Variants in NAGPA observed in about 807,000 individuals in gnomAD.
The protein encoded by NAGPA is N-acetylglucosamine-1-phosphodiester alpha-N-acetylglucosaminidase, also known as alpha-N-acetylglucosaminyl phosphodiesterase.
In NAGPA, 56 loss-of-function variants were observed where a neutral mutation model predicts 48.5. That is an observed-to-expected ratio of 1.15 (90% CI 0.93 to 1.44). The LOEUF is 1.44. Ranked by LOEUF, NAGPA falls within the 40% of genes most tolerant of loss-of-function variation. The pLI, the probability that NAGPA is intolerant of heterozygous loss-of-function variation, is 0.00. For missense variants in NAGPA, 888 were observed against 735.0 expected (o/e 1.21, Z -2.41); for synonymous variants, 399 against 315.5 (o/e 1.26, Z -2.81).
intron 9 of NAGPA, 56 bp downstream of exon 9, chr16:5,027,079 C>A (rs199863158): frequency 5.0e-6 from 8 of 1,594,382 alleles, no homozygotes; most frequent in African/African-American, 1.3e-5. Flanking sequence ...GGGAAGGGTG[C>A]GGGAGAGAAG....
At chr16:5,031,613 TC>T in intron 3 of NAGPA, 131 bp downstream of exon 3, 1 of 1,209,760 alleles carries the variant, frequency 8.3e-7, no homozygotes, top group Non-Finnish European at 1.2e-6. Context: ...TCCCCATGAA[TC>T]CCCAGTACCC....
At chr16:5,026,068 A>G (rs574161413) in intron 9 of NAGPA, among the ~76,000 whole-genome samples, 1 of 151,604 alleles carries the variant, frequency 6.6e-6, no homozygotes, top group South Asian at 2.1e-4. Context: ...AGCTGGGACT[A>G]CAGGCTCGAA....
At chr16:5,028,292 C>G in intron 5 of NAGPA, 107 bp from the exon 6 acceptor site, 2 of 1,541,030 alleles carry the variant, frequency 1.3e-6, no homozygotes, top group Non-Finnish European at 1.8e-6. Context: ...TGTCTACCTA[C>G]CTACCTACAA....
intron 3 of NAGPA, chr16:5,031,329 A>C (rs1956093148): frequency 3.6e-6 from 1 of 279,748 alleles, no homozygotes; most frequent in Admixed American, 4.8e-5. Context: ...CAGAGTCACC[A>C]TGGAGGCCCG....
intron 3 of NAGPA, 172 bp downstream of exon 3, chr16:5,031,573 T>C (rs951119708): frequency 4.8e-6 from 4 of 834,774 alleles, no homozygotes; most frequent in South Asian, 2.9e-5. Context: ...CTATTTTTTG[T>C]CCTATATATT....
At chr16:5,032,955 C>A in intron 2 of NAGPA, 1 of 478,674 alleles carries the variant, frequency 2.1e-6, no homozygotes, top group Non-Finnish European at 3.8e-6. Context: ...TGCTTTGCTG[C>A]ACACACAGCA....
chr16:5,031,104 ATTT>A, intron 3 of NAGPA: 1 of 152,730 alleles, frequency 6.5e-6, no homozygotes, highest in Non-Finnish European at 1.4e-5. Context: ...TAATTTTTGT[ATTT>A]TTTTTTTTTG....
At chr16:5,031,553 T>G in intron 3 of NAGPA, 192 bp downstream of exon 3, 1 of 748,772 alleles carries the variant, frequency 1.3e-6, no homozygotes, top group Non-Finnish European at 2.3e-6. Context: ...CTTTTCAGCA[T>G]ATTCTATAAC....
rs1372064080 is a variant in NAGPA at position 5,025,224 on chromosome 16, C to T, written c.*254G>A. On this transcript the variant is annotated 3_prime_UTR_variant, in exon 10 of 10. Coordinates refer to ENST00000312251, the MANE Select transcript of NAGPA (RefSeq NM_016256.4). ...AGCCCTCCCGGGGGCACGGGCTTCT[C>T]GGCAGCAGACACAGGCAGGCCAGAA... The T allele has an allele frequency of 3.6e-6, 2 of 561,336 alleles. No individual in the cohort carries two copies. The highest frequency in any genetic ancestry group is 3.1e-5 in the Admixed American group (1 of 32,598). 34.8% of individuals were successfully genotyped at this position (561,336 alleles called of 1,614,324 possible). A position where few individuals can be genotyped will look rare whatever the true frequency, so the allele number is the denominator to read the frequency against.
chr16:5,025,418 A>G lies in NAGPA; in HGVS notation c.*60T>C. 1 of 1,594,274 alleles carries G rather than the reference A, an allele frequency of 6.3e-7. No homozygotes were observed. Among genetic ancestry groups the G allele is most frequent in the Non-Finnish European group, 8.6e-7 (1 of 1,167,546 alleles). ...CCAGTGGCCTTGAAATTTCCCCTGCAGAAGCCAGACCGTGGGGAAACAAGC... is the reference window on the plus strand; with the variant it reads ...CCAGTGGCCTTGAAATTTCCCCTGCGGAAGCCAGACCGTGGGGAAACAAGC... On this transcript the variant is annotated 3_prime_UTR_variant, in exon 10 of 10. Coordinates refer to ENST00000312251, the MANE Select transcript of NAGPA (RefSeq NM_016256.4).
At chr16:5,027,757 C>T in intron 7 of NAGPA, 89 bp downstream of exon 7, 1 of 1,525,526 alleles carries the variant, frequency 6.6e-7, no homozygotes, top group Middle Eastern at 1.9e-4. Flanking sequence ...TTTCCCAGAC[C>T]AGAAGGTGGA....
chr16:5,027,728 A>C, intron 7 of NAGPA, 118 bp downstream of exon 7: 1 of 1,425,166 alleles, frequency 7.0e-7, no homozygotes, highest in Non-Finnish European at 9.6e-7. Context: ...AGGCCGGGGC[A>C]GAAGACAAGA....
chr16:5,030,353 C>G (rs1446173811), intron 4 of NAGPA, 32 bp downstream of exon 4: 1 of 1,542,686 alleles, frequency 6.5e-7, no homozygotes, highest in East Asian at 2.4e-5. Context: ...GGACTGAGCC[C>G]CGGCCGGGGG....
chr16:5,033,366 C>T lies in NAGPA; in HGVS notation c.449G>A (p.Gly150Glu). ...CCGCCGCTCGTCGCTCACCACGTTC[C>T]CCAGGCACTCGCCCGAGTTCATGCG... ...FFRMNSGECL[G>E]NVVSDERRVS... The change falls in exon 2 of 10, where the codon GGG becomes GAG. Residue 150 changes from glycine to glutamate, a missense_variant. Transcript: ENST00000312251. The surrounding 1 kb of genome is among the most constrained non-coding windows in gnomAD (Gnocchi z 4.2). 11 of 1,597,962 alleles carry T rather than the reference C, an allele frequency of 6.9e-6. No homozygotes were observed. Among genetic ancestry groups the T allele is most frequent in the Non-Finnish European group, 9.3e-6 (11 of 1,179,642 alleles).
intron 4 of NAGPA, 157 bp downstream of exon 4, chr16:5,030,228 C>T (rs1956075482): frequency 2.9e-6 from 2 of 699,940 alleles, no homozygotes; most frequent in East Asian, 2.7e-5. Context: ...TCTCAGAACC[C>T]TCATCCTGTG....
At chr16:5,025,797 TC>T in intron 9 of NAGPA, 112 bp from the exon 10 acceptor site, 1 of 1,104,914 alleles carries the variant, frequency 9.1e-7, no homozygotes, top group Non-Finnish European at 1.3e-6. Context: ...ATCAGGTGCC[TC>T]CAGGGACCAC....
At chr16:5,031,244 C>G (rs1249995057) in intron 3 of NAGPA, 2 of 202,504 alleles carry the variant, frequency 9.9e-6, no homozygotes, top group Admixed American at 5.3e-5. Flanking sequence ...TTACTGCCCA[C>G]TCTAAAATGG....
chr16:5,028,824 C>T (rs920776849), intron 5 of NAGPA, 56 bp downstream of exon 5: 1 of 1,612,560 alleles, frequency 6.2e-7, no homozygotes. Context: ...CTGAATGAGA[C>T]AGGCTGGGGC....
intron 2 of NAGPA, among the ~76,000 whole-genome samples, chr16:5,032,229 C>A (rs956667342): frequency 1.3e-5 from 2 of 152,308 alleles, no homozygotes; most frequent in East Asian, 1.9e-4. Context: ...TGTTACGGCC[C>A]TTCATTGGCT....
Sources: allele counts gnomAD v4.1 joint callset (sites outside exome capture counted in the v4.1 genomes callset), GRCh38; gene constraint gnomAD v4.1.1; non-coding constraint Gnocchi (gnomAD v3.1); transcripts MANE v1.5; gene names NCBI Gene and HGNC (gene_info 2026-07-23, HGNC 2026-07-21).